Variants in MTAP observed in about 807,000 individuals in gnomAD.
The protein encoded by MTAP is S-methyl-5'-thioadenosine phosphorylase.
Under a neutral mutation model 33.6 loss-of-function variants are expected in MTAP, and 33 were observed. The observed-to-expected ratio is 0.98, with a 90% CI of 0.74 to 1.31. The LOEUF (loss-of-function observed/expected upper bound fraction) is 1.31. Ranked by LOEUF, MTAP falls within the 40% of genes most tolerant of loss-of-function variation. The probability of loss-of-function intolerance (pLI) is 0.00; values close to 1 mark genes in which losing one functional copy is unlikely to be tolerated. For synonymous variants in MTAP, 148 were observed against 125.7 expected (o/e 1.18, Z -1.19); for missense variants, 367 against 360.0 (o/e 1.02, Z -0.16).
At chr9:21,939,850 T>G (rs1203954310), downstream of MTAP, among the ~76,000 whole-genome samples, 2 of 152,106 alleles carry the variant, frequency 1.3e-5, no homozygotes, top group Non-Finnish European at 2.9e-5. Context: ...GCCACTGCAC[T>G]CTAGCCTGGG....
At chr9:21,833,605 C>T (rs1242294514) in intron 4 of MTAP, among the ~76,000 whole-genome samples, 2 of 152,180 alleles carry the variant, frequency 1.3e-5, no homozygotes, top group African/African-American at 4.8e-5. Flanking sequence ...TGGGTAGATT[C>T]ACTTCCCCTA....
intron 4 of MTAP, among the ~76,000 whole-genome samples, chr9:21,832,998 C>A (rs868315627): frequency 6.6e-6 from 1 of 152,240 alleles, no homozygotes; most frequent in Middle Eastern, 3.4e-3. Context: ...TATTGTTTAG[C>A]ATGATCTCAT....
intron 5 of MTAP, among the ~76,000 whole-genome samples, chr9:21,838,214 C>T (rs1825157562): frequency 6.6e-6 from 1 of 152,190 alleles, no homozygotes; most frequent in South Asian, 2.1e-4. Flanking sequence ...AGCTGAACCA[C>T]TCAAAGTTGC....
intron 5 of MTAP, among the ~76,000 whole-genome samples, chr9:21,845,480 A>G (rs1199909583): frequency 2.0e-5 from 3 of 152,194 alleles, no homozygotes; most frequent in African/African-American, 7.2e-5. Context: ...AAAGATCTCT[A>G]CAAGGAGAAC....
chr9:21,816,817 T>A, intron 3 of MTAP, 45 bp downstream of exon 3: 1 of 1,517,436 alleles, frequency 6.6e-7, no homozygotes, highest in Non-Finnish European at 9.0e-7. Context: ...AAAGGATAAT[T>A]TAAATTTAAC....
chr9:21,929,619 G>A, intron 1 of MTAP: 1 of 323,616 alleles, frequency 3.1e-6, no homozygotes, highest in Non-Finnish European at 6.5e-6. Context: ...AAACACCAGG[G>A]AGAGCTTATC....
intron 1 of MTAP, among the ~76,000 whole-genome samples, chr9:21,918,328 C>T (rs1216695116): frequency 2.1e-5 from 2 of 94,108 alleles, no homozygotes; most frequent in African/African-American, 1.3e-4. Context: ...CCAGCCTGGG[C>T]GACAGAACGA....
intron 4 of MTAP, among the ~76,000 whole-genome samples, chr9:21,833,178 T>G (rs1825015655): frequency 6.6e-6 from 1 of 152,126 alleles, no homozygotes; most frequent in African/African-American, 2.4e-5. Flanking sequence ...TTGGTCCAAA[T>G]TCATAAGTTT....
intron 2 of MTAP, among the ~76,000 whole-genome samples, chr9:21,816,450 C>G (rs1824477103): frequency 6.6e-6 from 1 of 152,162 alleles, no homozygotes; most frequent in African/African-American, 2.4e-5. Context: ...TCAGAGTTCC[C>G]TGGGGTACTC....
In MTAP at chr9:21,854,806, G is replaced by A; in HGVS notation, c.626G>A (p.Gly209Glu). Residue 209 changes from glycine to glutamate, a missense_variant, in exon 6 of 8, where the codon GGA becomes GAA. Coordinates refer to ENST00000644715, the MANE Select transcript of MTAP (RefSeq NM_002451.4). ...GAGGTGGTTCTTGCTAAGGAGGCTG[G>A]AATTTGTTACGCAAGTATCGCCATG... ...VPEVVLAKEA[G>E]ICYASIAMAT... The A allele has an allele frequency of 6.2e-7, 1 of 1,614,178 alleles. No individual in the cohort carries two copies. Among genetic ancestry groups the A allele is most frequent in the Non-Finnish European group, 8.5e-7 (1 of 1,180,010 alleles).
At chr9:21,836,661 A>G (rs1389170826) in intron 4 of MTAP, among the ~76,000 whole-genome samples, 12 of 152,158 alleles carry the variant, frequency 7.9e-5, no homozygotes, top group Non-Finnish European at 1.3e-4. Flanking sequence ...CAGTCATTTG[A>G]CCTGTTCTTC....
chr9:21,837,273 G>C (rs1023185108), intron 4 of MTAP, among the ~76,000 whole-genome samples: 1 of 152,090 alleles, frequency 6.6e-6, no homozygotes, highest in Admixed American at 6.5e-5. Context: ...TATTTCAGTG[G>C]GTCACTGGCA....
chr9:21,887,408 A>T (rs947309897), intron 1 of MTAP, among the ~76,000 whole-genome samples: 1 of 152,122 alleles, frequency 6.6e-6, no homozygotes, highest in African/African-American at 2.4e-5. Context: ...GATGGTTTCC[A>T]GCTTCATCCA....
chr9:21,923,320 C>T (rs1049452255), intron 1 of MTAP, among the ~76,000 whole-genome samples: 41 of 152,304 alleles, frequency 2.7e-4, no homozygotes, highest in Admixed American at 5.2e-4. Flanking sequence ...GTTTTTATGG[C>T]TGCATAGGAC....
intron 4 of MTAP, among the ~76,000 whole-genome samples, chr9:21,837,225 C>A (rs946644454): frequency 1.3e-4 from 20 of 152,102 alleles, no homozygotes; most frequent in Non-Finnish European, 2.4e-4. Flanking sequence ...AGGCAGCGAA[C>A]AAAGATTCCT....
chr9:21,808,127 T>A (rs1396505543), intron 1 of MTAP, among the ~76,000 whole-genome samples: 1 of 152,134 alleles, frequency 6.6e-6, no homozygotes, highest in Non-Finnish European at 1.5e-5. Flanking sequence ...GCAATCTAGG[T>A]TTTGACAAGC....
chr9:21,911,246 C>A (rs1156578832), intron 1 of MTAP, among the ~76,000 whole-genome samples: 2 of 152,066 alleles, frequency 1.3e-5, no homozygotes, highest in East Asian at 3.9e-4. Flanking sequence ...CAAGGATATC[C>A]AGGAATTGAA....
chr9:21,917,476 G>A (rs1818709410), intron 1 of MTAP, among the ~76,000 whole-genome samples: 1 of 152,282 alleles, frequency 6.6e-6, no homozygotes, highest in African/African-American at 2.4e-5. Flanking sequence ...GAGGAAAAAG[G>A]AAGACTAAGA....
chr9:21,802,755 T>G lies in MTAP; in HGVS notation c.7T>G (p.Ser3Ala), dbSNP rs755147810. Residue 3 changes from serine to alanine, a missense_variant, in exon 1 of 8, where the codon TCT becomes GCT. Coordinates refer to ENST00000644715, the MANE Select transcript of MTAP (RefSeq NM_002451.4). MA[S>A]GTTTTAVKIG... ...ATTCCTTTCCCGTGCAGACATGGCC[T>G]CTGGCACCACCACCACCGCCGTGAA... The G allele has an allele frequency of 3.1e-6, 5 of 1,612,812 alleles. No homozygotes were observed. The highest frequency in any genetic ancestry group is 1.7e-5 in the Admixed American group (1 of 59,966).
Sources: allele counts gnomAD v4.1 joint callset (sites outside exome capture counted in the v4.1 genomes callset), GRCh38; gene constraint gnomAD v4.1.1; transcripts MANE v1.5; gene names NCBI Gene and HGNC (gene_info 2026-07-23, HGNC 2026-07-21).